Variants in SLC12A3 observed in about 807,000 individuals in gnomAD.
SLC12A3 encodes the protein Na-Cl cotransporter.
A neutral mutation model predicts 121.0 loss-of-function variants in SLC12A3; 104 were observed. The ratio of observed to expected loss-of-function variants is 0.86; its 90% CI spans 0.73 to 1.01. The LOEUF is 1.01. Ranked by LOEUF, SLC12A3 falls within the 50% of genes least tolerant of loss-of-function variation. The pLI is 0.00. For synonymous variants in SLC12A3, 536 were observed against 533.4 expected (o/e 1.00, Z -0.07); for missense variants, 1,328 against 1,356.3 (o/e 0.98, Z 0.33).
intron 17 of SLC12A3, 151 bp from the exon 18 acceptor site, chr16:56,887,773 TA>T (rs1185084702): frequency 0.021 from 1,236 of 58,714 alleles, 130 homozygotes; most frequent in Middle Eastern, 0.022. Context: ...TTTTTAAGAT[TA>T]TATATATATA....
chr16:56,869,752 C>T lies in SLC12A3; in HGVS notation c.529C>T (p.Leu177=), dbSNP rs2055065350. 1 of 1,614,186 alleles carries T rather than the reference C, an allele frequency of 6.2e-7. No homozygotes were observed. The change falls in exon 4 of 26, where the codon CTG becomes TTG. Residue 177 remains leucine, a synonymous_variant. Transcript: ENST00000563236. ...AGTCCTGACCTGGATCATCATCCTG[C>T]TGTCGGTCACGGTGACCTCCATCAC... The part of the protein sequence containing the change: ...GIVLTWIIIL[L]SVTVTSITGL...
chr16:56,892,501 G>A (rs543534159), intron 20 of SLC12A3, among the ~76,000 whole-genome samples: 5 of 152,254 alleles, frequency 3.3e-5, no homozygotes, highest in African/African-American at 7.2e-5. Context: ...TCAGGGTCAC[G>A]GCATCATGGG....
intron 18 of SLC12A3, among the ~76,000 whole-genome samples, chr16:56,888,402 T>C (rs1472176345): frequency 6.6e-6 from 1 of 152,106 alleles, no homozygotes; most frequent in Non-Finnish European, 1.5e-5. Context: ...GGTAGCACCA[T>C]GAGTGAAGTG....
At chr16:56,894,808 A>G (rs534490870) in intron 22 of SLC12A3, among the ~76,000 whole-genome samples, 166 bp downstream of exon 22, 1 of 152,268 alleles carries the variant, frequency 6.6e-6, no homozygotes, top group African/African-American at 2.4e-5. Context: ...AGTGGGCAGG[A>G]GCAGGAGCAG....
chr16:56,887,775 TA>T lies in SLC12A3; in HGVS notation c.2179-149del, dbSNP rs1567438550. The T allele has an allele frequency of 1.4e-3, 140 of 101,082 alleles. 4 individuals carry two copies. Among genetic ancestry groups the T allele is most frequent in the African/African-American group, 1.6e-3 (38 of 24,396 alleles). 6.3% of individuals were successfully genotyped at this position (101,082 alleles called of 1,614,324 possible). ...TGCAAAACAAAAATTTTTAAGATTA[TA>T]TATATATATATATATATATATATTT... is the stretch of plus-strand genomic sequence containing the variant. On this transcript the variant is annotated intron_variant, in intron 17 of 25. Coordinates refer to ENST00000563236, the MANE Select transcript of SLC12A3 (RefSeq NM_001126108.2).
Position 56,913,479 on chromosome 16 carries a change from C to G in SLC12A3, c.*74C>G. ...TTGGAACTTGATTGCCTCTAGTCCA[C>G]AGGGATGAGACTCATGTTCTGTTGC... On this transcript the variant is annotated 3_prime_UTR_variant, in exon 26 of 26. Coordinates refer to ENST00000563236, the MANE Select transcript of SLC12A3 (RefSeq NM_001126108.2). The G allele has an allele frequency of 7.1e-7, 1 of 1,412,988 alleles. No individual in the cohort carries two copies. Among genetic ancestry groups the G allele is most frequent in the Non-Finnish European group, 1.0e-6 (1 of 996,782 alleles). 87.5% of individuals were successfully genotyped at this position (1,412,988 alleles called of 1,614,324 possible).
intron 25 of SLC12A3, among the ~76,000 whole-genome samples, chr16:56,911,640 G>C (rs2055687239): frequency 1.3e-5 from 2 of 151,712 alleles, no homozygotes; most frequent in Admixed American, 1.3e-4. Context: ...GCTTTTTAAA[G>C]GAGGGTAGGG....
rs185927948 is a variant in SLC12A3, at chr16:56,894,555, T to A, written c.2546T>A (p.Leu849His). The A allele has an allele frequency of 1.9e-4, 301 of 1,613,866 alleles. 1 individual carries two copies. In the East Asian group the frequency reaches 6.7e-3, roughly 36 times the overall value. ...DGGLTLLIPY[L>H]LGRKRRWSKC... Reference sequence around the variant, plus strand: ...GGCCTCACCCTCCTCATTCCCTATCTCCTTGGCCGCAAGAGGAGGTGGAGC... The same window carrying A: ...GGCCTCACCCTCCTCATTCCCTATCACCTTGGCCGCAAGAGGAGGTGGAGC... Residue 849 changes from leucine to histidine, a missense_variant, in exon 22 of 26, where the codon CTC (leucine) becomes CAC (histidine). Physicochemically the swap from Leu to His is moderately conservative, Grantham distance 99. Coordinates refer to ENST00000563236, the MANE Select transcript of SLC12A3 (RefSeq NM_001126108.2).
chr16:56,872,520 A>C, intron 7 of SLC12A3, 58 bp downstream of exon 7: 1 of 1,587,174 alleles, frequency 6.3e-7, no homozygotes, highest in Non-Finnish European at 8.6e-7. Context: ...TCTACCCAGG[A>C]ATCTGGCCCA....
intron 8 of SLC12A3, among the ~76,000 whole-genome samples, chr16:56,875,977 G>A (rs1366886221): frequency 6.6e-6 from 1 of 151,826 alleles, no homozygotes; most frequent in African/African-American, 2.4e-5. Flanking sequence ...CCACAAATTG[G>A]GTGGCTTAAA....
intron 20 of SLC12A3, 74 bp from the exon 21 acceptor site, chr16:56,892,879 G>T: frequency 8.2e-7 from 1 of 1,213,866 alleles, no homozygotes; most frequent in Non-Finnish European, 1.2e-6. Flanking sequence ...AAGGGGCGTT[G>T]GCGGGGCCCT....
chr16:56,913,482 G>C lies in SLC12A3; in HGVS notation c.*77G>C. On this transcript the variant is annotated 3_prime_UTR_variant, in exon 26 of 26. Coordinates refer to ENST00000563236, the MANE Select transcript of SLC12A3 (RefSeq NM_001126108.2). ...GAACTTGATTGCCTCTAGTCCACAG[G>C]GATGAGACTCATGTTCTGTTGCACT... 1 of 1,386,970 alleles carries C rather than the reference G, an allele frequency of 7.2e-7. No individual in the cohort carries two copies. The highest frequency in any genetic ancestry group is 1.2e-5 in the South Asian group (1 of 86,434). 85.9% of individuals were successfully genotyped at this position (1,386,970 alleles called of 1,614,324 possible).
At chr16:56,867,836 C>T (rs964025068) in intron 2 of SLC12A3, among the ~76,000 whole-genome samples, 11 of 152,242 alleles carry the variant, frequency 7.2e-5, no homozygotes, top group Non-Finnish European at 1.2e-4. Context: ...GCCTCCATCT[C>T]GGCCTCTGGC....
intron 21 of SLC12A3, 104 bp from the exon 22 acceptor site, chr16:56,894,427 G>A (rs369206989): frequency 1.3e-4 from 100 of 790,360 alleles, no homozygotes; most frequent in African/African-American, 1.2e-3. Flanking sequence ...GGGGTCCAGC[G>A]AGGAGAGGAA....
intron 14 of SLC12A3, 74 bp downstream of exon 14, chr16:56,884,278 C>G: frequency 3.4e-6 from 5 of 1,476,080 alleles, no homozygotes; most frequent in Non-Finnish European, 4.7e-6. Flanking sequence ...CCCTCCGCCC[C>G]AGTTGGAGGG....
rs1447941491 is a variant in SLC12A3 at position 56,868,290 on chromosome 16, C to T, written c.430-7C>T. On this transcript the variant is annotated splice_polypyrimidine_tract_variant and splice_region_variant and intron_variant, in intron 2 of 25. Coordinates refer to ENST00000563236, the MANE Select transcript of SLC12A3 (RefSeq NM_001126108.2). ...CCAGGTGGCCTCTGACCCCCCTGTC[C>T]TCCCAGATTCGTTGCATGCTCAACA... The T allele has an allele frequency of 6.2e-7, 1 of 1,613,868 alleles. No homozygotes were observed. The highest frequency in any genetic ancestry group is 1.1e-5 in the South Asian group (1 of 90,950).
rs754505583 is a variant in SLC12A3 at position 56,894,593 on chromosome 16, C to T, written c.2584C>T (p.Arg862Cys). The T allele has an allele frequency of 9.3e-6, 15 of 1,614,098 alleles. No individual in the cohort carries two copies. The highest frequency in any genetic ancestry group is 1.3e-5 in the Non-Finnish European group (15 of 1,180,012). ...RKRRWSKCKI[R>C]VFVGGQINRM... ...GAGGAGGTGGAGCAAATGCAAGATC[C>T]GTGTGTTCGTAGGCGGCCAGATTAA... Residue 862 changes from arginine to cysteine, a missense_variant, in exon 22 of 26, where the codon CGT becomes TGT. Arg to Cys is a radical substitution (Grantham distance 180). Transcript: ENST00000563236.
At chr16:56,890,239 G>T (rs761936847) in intron 18 of SLC12A3, 35 bp from the exon 19 acceptor site, 2 of 1,566,056 alleles carry the variant, frequency 1.3e-6, no homozygotes, top group Admixed American at 3.3e-5. Flanking sequence ...GTGGGAGCTG[G>T]GGGAGAAGCT....
rs775505729 is a variant in SLC12A3 at position 56,892,962 on chromosome 16, A to C, written c.2429A>C (p.Lys810Thr). 6.2e-7 allele frequency: 1 copy of C among 1,614,074 alleles called. No homozygotes were observed. The highest frequency in any genetic ancestry group is 2.2e-5 in the East Asian group (1 of 44,878). ...GKEASARVDP[K>T]ALVKEEQATT... The stretch of plus-strand genomic sequence containing the variant: ...CCCCCACCTCCTGCAGTGGACCCCA[A>C]GGCCCTGGTGAAGGAGGAGCAGGCC... Residue 810 changes from lysine (K) to threonine (T), a missense_variant, in exon 21 of 26, where the codon AAG (lysine) becomes ACG (threonine). Transcript: ENST00000563236.
Sources: gnomAD v4.1 joint callset for allele counts (sites outside exome capture counted in the v4.1 genomes callset) on GRCh38, gnomAD v4.1.1 for gene constraint, MANE v1.5 for transcripts, NCBI Gene and HGNC (gene_info 2026-07-23, HGNC 2026-07-21) for gene names.